Variants in RGPD2 observed in about 807,000 individuals in gnomAD.
The protein encoded by RGPD2 is RANBP2 like and GRIP domain containing 2, also known as RANBP2-like and GRIP domain-containing protein 2.
RGPD2 carries 2 observed loss-of-function variants against 36.0 expected under a neutral mutation model. The observed-to-expected ratio is 0.06, with a 90% confidence interval of 0.02 to 0.17. The LOEUF is 0.17. Among genes scored for constraint, RGPD2 ranks in the 10% least tolerant of loss-of-function variants. The probability of loss-of-function intolerance (pLI) is 1.00; values close to 1 mark genes in which losing one functional copy is unlikely to be tolerated. For missense variants in RGPD2, 40 were observed against 464.3 expected, an observed-to-expected ratio of 0.09 and a Z score of 8.40; for synonymous variants, 19 against 163.8, an observed-to-expected ratio of 0.12 and a Z score of 6.75.
At chr2:87,757,951 T>TG (rs1174150967) in intron 22 of RGPD2, among the ~76,000 whole-genome samples, 2 of 54,648 alleles carry the variant, frequency 3.7e-5, no homozygotes, top group Non-Finnish European at 7.4e-5. Context: ...ACTGAGGTCT[T>TG]GGGGGGTGGG....
chr2:87,941,116 G>T, the RGPD2 span, among the ~76,000 whole-genome samples: 3 of 151,596 alleles, frequency 2.0e-5, no homozygotes, highest in African/African-American at 7.3e-5. Flanking sequence ...ATTCAAATAT[G>T]AGGGGGAAAG....
the RGPD2 span, among the ~76,000 whole-genome samples, chr2:87,965,070 G>A: frequency 6.8e-6 from 1 of 146,934 alleles, no homozygotes; most frequent in African/African-American, 2.4e-5. Context: ...GAGTTTTTGT[G>A]ATTTTCTGTT....
chr2:87,876,362 T>C, the RGPD2 span, among the ~76,000 whole-genome samples: 1 of 152,322 alleles, frequency 6.6e-6, no homozygotes, highest in East Asian at 1.9e-4. Context: ...GCTGTGGGCA[T>C]TTAGCACCAT....
chr2:87,922,001 C>G, the RGPD2 span, among the ~76,000 whole-genome samples: 7 of 150,398 alleles, frequency 4.7e-5, no homozygotes, highest in Non-Finnish European at 1.0e-4. Flanking sequence ...TTTTTTGAAA[C>G]CAAAAAAGTA....
chr2:87,824,237 G>A (rs1686506603), intron 1 of RGPD2, among the ~76,000 whole-genome samples: 1 of 151,444 alleles, frequency 6.6e-6, no homozygotes, highest in Admixed American at 6.6e-5. Context: ...GGTCAGGCTG[G>A]TCTCTCTGCC....
At chr2:87,864,744 G>T in the RGPD2 span, among the ~76,000 whole-genome samples, 2 of 152,256 alleles carry the variant, frequency 1.3e-5, no homozygotes, top group African/African-American at 4.8e-5. Flanking sequence ...ACCATCTGTA[G>T]ATCATTTTTC....
At chr2:87,915,361 A>ATATATATGTATATTATATATTG in the RGPD2 span, among the ~76,000 whole-genome samples, 2 of 90,736 alleles carry the variant, frequency 2.2e-5, no homozygotes, top group Non-Finnish European at 4.7e-5. Context: ...TATATATTAT[A>ATATATATGTATATTATATATTG]TATATATGTA....
At chr2:87,861,214 T>C in the RGPD2 span, among the ~76,000 whole-genome samples, 1 of 150,994 alleles carries the variant, frequency 6.6e-6, no homozygotes, top group African/African-American at 2.4e-5. Flanking sequence ...AAATAAGGTT[T>C]CTCTTTATTA....
At chr2:87,915,580 G>A in the RGPD2 span, among the ~76,000 whole-genome samples, 1 of 142,272 alleles carries the variant, frequency 7.0e-6, no homozygotes, top group East Asian at 2.0e-4. Flanking sequence ...ATATATGTGT[G>A]TGTATATACA....
the RGPD2 span, among the ~76,000 whole-genome samples, chr2:87,885,869 C>CA: frequency 6.6e-6 from 1 of 151,542 alleles, no homozygotes; most frequent in Non-Finnish European, 1.5e-5. Flanking sequence ...TAAATTATTT[C>CA]AAAAAAACTT....
At chr2:87,986,801 A>T in the RGPD2 span, among the ~76,000 whole-genome samples, 1 of 150,638 alleles carries the variant, frequency 6.6e-6, no homozygotes, top group African/African-American at 2.4e-5. Context: ...AATCACCTGA[A>T]CCCGGGAGGC....
intron 1 of RGPD2, 124 bp downstream of exon 1, chr2:87,825,534 A>C (rs1287974023): frequency 3.6e-6 from 2 of 563,108 alleles, no homozygotes; most frequent in Admixed American, 3.1e-4. Context: ...GCCGAGGCCG[A>C]GGCCGAGGCC....
At chr2:87,915,593 T>C in the RGPD2 span, among the ~76,000 whole-genome samples, 2 of 145,534 alleles carry the variant, frequency 1.4e-5, no homozygotes, top group Admixed American at 6.9e-5. Flanking sequence ...TATATACACA[T>C]ATATATGTGT....
the RGPD2 span, among the ~76,000 whole-genome samples, chr2:87,937,067 C>A: frequency 6.6e-6 from 1 of 151,636 alleles, no homozygotes; most frequent in East Asian, 1.9e-4. Context: ...GTGGAGAAAA[C>A]AAATATAAAA....
the RGPD2 span, among the ~76,000 whole-genome samples, chr2:87,894,498 G>A: frequency 2.0e-5 from 3 of 151,152 alleles, no homozygotes; most frequent in Non-Finnish European, 4.4e-5. Context: ...CTTAAACCTA[G>A]GAAAAGTGGT....
chr2:87,968,721 G>A, the RGPD2 span: 17 of 232,512 alleles, frequency 7.3e-5, no homozygotes, highest in Non-Finnish European at 1.3e-4. Context: ...TGACCATTAA[G>A]AGCCTGGCTG....
At chr2:87,927,748 G>A in the RGPD2 span, among the ~76,000 whole-genome samples, 1 of 151,104 alleles carries the variant, frequency 6.6e-6, no homozygotes, top group Non-Finnish European at 1.5e-5. Context: ...AGTTTAAAAG[G>A]GTCATTTATA....
the RGPD2 span, among the ~76,000 whole-genome samples, chr2:87,866,683 G>T: frequency 1.3e-5 from 2 of 152,230 alleles, no homozygotes; most frequent in Non-Finnish European, 2.9e-5. Context: ...TGCTTGGGCG[G>T]ATCCACGGCA....
rs1327332327 is a variant in RGPD2 at position 87,825,555 on chromosome 2, C to CG, written c.72+102_72+103insC. 138 of 872,676 alleles carry CG rather than the reference C, an allele frequency of 1.6e-4. 4 individuals are homozygous for CG. The Admixed American group carries it at 2.1e-3, about 13-fold the overall frequency. The allele number at this position is 872,676 out of a possible 1,614,324, so 54.1% of individuals were successfully genotyped here. ...GCCGAGGCCGAGGCCGCCGCCCGGC[C>CG]AGGTCGAGGCCGCCGCCCGGCCAGG... On this transcript the variant is annotated intron_variant, in intron 1 of 22. Transcript: ENST00000398146.
Sources: allele counts gnomAD v4.1 joint callset (sites outside exome capture counted in the v4.1 genomes callset), GRCh38; gene constraint gnomAD v4.1.1; transcripts MANE v1.5; gene names NCBI Gene and HGNC (gene_info 2026-07-23, HGNC 2026-07-21).